The following ALKBH2 variants were observed in gnomAD, a reference collection of about 807,000 sequenced individuals.
The protein encoded by ALKBH2 is DNA oxidative demethylase ALKBH2.
In ALKBH2, 19 loss-of-function variants were observed where a neutral mutation model predicts 19.7. The ratio of observed to expected loss-of-function variants is 0.97; its 90% confidence interval spans 0.67 to 1.42. ALKBH2 has a LOEUF of 1.42. Ranked by LOEUF, ALKBH2 falls within the 40% of genes most tolerant of loss-of-function variation. The pLI is 0.00. For missense variants in ALKBH2, 310 were observed against 328.5 expected, an observed-to-expected ratio of 0.94 and a Z score of 0.43; for synonymous variants, 135 against 131.2, an observed-to-expected ratio of 1.03 and a Z score of -0.20.
intron 2 of ALKBH2, 60 bp from the exon 3 acceptor site, chr12:109,090,267 C>A: frequency 2.1e-6 from 3 of 1,425,408 alleles, no homozygotes; most frequent in South Asian, 2.3e-5. Context: ...AATCCAGATG[C>A]CCCCCCCAAC....
chr12:109,091,685 G>A (rs1381310875), intron 2 of ALKBH2, among the ~76,000 whole-genome samples: 1 of 146,922 alleles, frequency 6.8e-6, no homozygotes, highest in Non-Finnish European at 1.5e-5. Context: ...CTACAGGCAT[G>A]CACCACTACG....
chr12:109,088,529 AAC>A lies in ALKBH2; in HGVS notation c.480-19_480-18del, dbSNP rs760130358. On this transcript the variant is annotated intron_variant, in intron 3 of 3. Coordinates refer to ENST00000429722, the MANE Select transcript of ALKBH2 (RefSeq NM_001145374.2). The surrounding 1 kb of genome is among the most constrained non-coding windows in gnomAD (Gnocchi z 4.2). The stretch of plus-strand genomic sequence containing the variant: ...TCTTTATACCTGCAATGAGAAAACA[AAC>A]ACAGTGCATAAAAACAACCCTCTCC... 1.8e-5 allele frequency: 28 copies of A among 1,566,718 alleles called. No homozygotes were observed. In the African/African-American group the frequency reaches 3.0e-4, roughly 17 times the overall value.
In ALKBH2 at chr12:109,092,659, CTCCTGGGCCTCTT is replaced by C; in HGVS notation, c.115_127del (p.Lys39GlufsTer47). ...GTGGCCTCCATTCCCTGGGGCCTCT[CTCCTGGGCCTCTT>C]CCTTGTGCTTTCTTTGTCTCCTCCC... On this transcript the variant is annotated frameshift_variant, in exon 2 of 4. Coordinates refer to ENST00000429722, the MANE Select transcript of ALKBH2 (RefSeq NM_001145374.2). LOFTEE classifies it high-confidence loss of function. The C allele has an allele frequency of 6.2e-7, 1 of 1,614,166 alleles. No individual in the cohort carries two copies. Among genetic ancestry groups the C allele is most frequent in the Non-Finnish European group, 8.5e-7 (1 of 1,180,048 alleles).
chr12:109,089,618 C>T (rs2042027894), intron 3 of ALKBH2: 1 of 230,000 alleles, frequency 4.3e-6, no homozygotes, highest in Admixed American at 5.1e-5. Context: ...TTATCACTGT[C>T]TGAAATCGTC....
In ALKBH2 at chr12:109,092,606, G is replaced by A. The variant is rs774776661; in HGVS notation, c.181C>T (p.Arg61Trp). The change falls in exon 2 of 4, where the codon CGG (arginine) becomes TGG (tryptophan). Residue 61 changes from arginine to tryptophan, a missense_variant. Physicochemically the swap from Arg to Trp is moderately radical, Grantham distance 101 (BLOSUM62 -3). Transcript: ENST00000429722. ...TAACTGCAGTCCAGGCCCTCAGCCC[G>A]AATGTGCCGCCAGCTAGGGCCTGCT... is the stretch of plus-strand genomic sequence containing the variant. ...HSAGPSWRHI[R>W]AEGLDCSYTV... 18 of 1,614,010 alleles carry A rather than the reference G, an allele frequency of 1.1e-5. No homozygotes were observed. The highest frequency in any genetic ancestry group is 6.7e-5 in the African/African-American group (5 of 74,930).
chr12:109,092,630 C>A lies in ALKBH2; in HGVS notation c.157G>T (p.Ala53Ser). Residue 53 changes from alanine to serine, a missense_variant, in exon 2 of 4, where the codon GCA becomes TCA. Ala to Ser is a moderately conservative substitution (Grantham distance 99, BLOSUM62 1). Transcript: ENST00000429722. ...REAPGNGGHS[A>S]GPSWRHIRAE... ...CGAATGTGCCGCCAGCTAGGGCCTG[C>A]TGAGTGGCCTCCATTCCCTGGGGCC... 1 of 1,614,242 alleles carries A rather than the reference C, an allele frequency of 6.2e-7. No individual in the cohort carries two copies. Among genetic ancestry groups the A allele is most frequent in the Admixed American group, 1.7e-5 (1 of 60,028 alleles).
At position 109,090,226 on chromosome 12, in the gene ALKBH2, G is replaced by T; in HGVS notation, c.281-19C>A. On this transcript the variant is annotated intron_variant, in intron 2 of 3. Transcript: ENST00000429722. ...AGTGCTCCTGTGCAGAGGAAACATGGCAGTTCCTTTCTACCTGACCCCCAT... is the reference window on the plus strand; with the variant it reads ...AGTGCTCCTGTGCAGAGGAAACATGTCAGTTCCTTTCTACCTGACCCCCAT... The T allele has an allele frequency of 1.2e-6, 2 of 1,609,660 alleles. No homozygotes were observed. Among genetic ancestry groups the T allele is most frequent in the Non-Finnish European group, 8.5e-7 (1 of 1,179,342 alleles).
At position 109,088,620 on chromosome 12, in the gene ALKBH2, T is replaced by C. The variant is rs1158365796; in HGVS notation, c.480-108A>G. 5.7e-6 allele frequency: 6 copies of C among 1,057,570 alleles called. No individual in the cohort carries two copies. The highest frequency in any genetic ancestry group is 6.7e-6 in the Non-Finnish European group (5 of 747,042). The allele number at this position is 1,057,570 out of a possible 1,614,324, so 65.5% of individuals were successfully genotyped here. ...AGTGTGAAACAGCACTCTGCATGGC[T>C]GTACCTGCCGTTGTTTCTGCGAGGG... On this transcript the variant is annotated intron_variant, in intron 3 of 3. Transcript: ENST00000429722. This position sits in a 1 kb window ranked among gnomAD's most constrained non-coding sequence, Gnocchi z 4.2.
Position 109,088,618 on chromosome 12 carries a change from G to A in ALKBH2, c.480-106C>T. ...ACAGTGTGAAACAGCACTCTGCATG[G>A]CTGTACCTGCCGTTGTTTCTGCGAG... is the stretch of plus-strand genomic sequence containing the variant. On this transcript the variant is annotated intron_variant, in intron 3 of 3. Transcript: ENST00000429722. The surrounding 1 kb of genome is among the most constrained non-coding windows in gnomAD (Gnocchi z 4.2). 1 of 1,068,320 alleles carries A rather than the reference G, an allele frequency of 9.4e-7. No homozygotes were observed. Among genetic ancestry groups the A allele is most frequent in the Non-Finnish European group, 1.3e-6 (1 of 754,900 alleles). The allele number at this position is 1,068,320 out of a possible 1,614,324, so 66.2% of individuals were successfully genotyped here.
rs560750228 is a variant in ALKBH2, at chr12:109,088,424, C to G, written c.568G>C (p.Gly190Arg). The G allele has an allele frequency of 4.3e-6, 7 of 1,613,786 alleles. No homozygotes were observed. Among genetic ancestry groups the G allele is most frequent in the Middle Eastern group, 1.7e-4 (1 of 6,060 alleles). ...PGSPIASVSF[G>R]ACRDFVFRHK... ...CGGAAGACAAAGTCTCTGCAGGCAC[C>G]GAAGGAGACAGAGGCAATGGGGCTC... is the stretch of plus-strand genomic sequence containing the variant. The change falls in exon 4 of 4, where the codon GGT becomes CGT. Residue 190 changes from glycine to arginine, a missense_variant. By Grantham distance (125) the Gly-to-Arg change is moderately radical. Transcript: ENST00000429722. The surrounding 1 kb of genome is among the most constrained non-coding windows in gnomAD (Gnocchi z 4.2).
intron 3 of ALKBH2, among the ~76,000 whole-genome samples, chr12:109,089,448 G>A (rs2042025048): frequency 6.6e-6 from 1 of 152,172 alleles, no homozygotes; most frequent in Non-Finnish European, 1.5e-5. Context: ...ATGGAGGCCA[G>A]GGATCTGCTC....
At chr12:109,093,072 G>T in intron 1 of ALKBH2, 135 bp from the exon 2 acceptor site, 1 of 459,484 alleles carries the variant, frequency 2.2e-6, no homozygotes, top group Non-Finnish European at 3.4e-6. Context: ...CTCCACGCCT[G>T]AGCACCTGAA....
At chr12:109,090,273 C>T (rs546964548) in intron 2 of ALKBH2, 66 bp from the exon 3 acceptor site, 21 of 1,440,146 alleles carry the variant, frequency 1.5e-5, no homozygotes, top group Middle Eastern at 2.3e-4. Context: ...GATGCCCCCC[C>T]CAACCCGCAC....
In ALKBH2 at chr12:109,090,013, T is replaced by C; in HGVS notation, c.475A>G (p.Asn159Asp). ...GTCCACTAAACAGGGTGTCACCTGT[T>C]GATGAGCACAAAGTTGAAGGTCTGT... Reference protein sequence around the residue: ...TGQTFNFVLINRYKDGCDHIG... With the variant: ...TGQTFNFVLIDRYKDGCDHIG... The change falls in exon 3 of 4, where the codon AAC becomes GAC. Residue 159 changes from asparagine (N) to aspartate (D), a missense_variant. Asn to Asp is a conservative substitution (Grantham distance 23). Coordinates refer to ENST00000429722, the MANE Select transcript of ALKBH2 (RefSeq NM_001145374.2). 1.2e-6 allele frequency: 2 copies of C among 1,614,130 alleles called. No individual in the cohort carries two copies. The highest frequency in any genetic ancestry group is 1.7e-6 in the Non-Finnish European group (2 of 1,180,024).
chr12:109,090,146 CGTTGCCTGCTTCCTGGGCACACTGT>C lies in ALKBH2; in HGVS notation c.317_341del (p.His106ArgfsTer7), dbSNP rs770029040. ...TGTAGGTCAGCCCAGCGTCGCCATACGTTGCCTGCTTCCTGGGCACACTGTGCCACTTCCCGAATACCTGGACTCT... is the reference window on the plus strand; with the variant it reads ...TGTAGGTCAGCCCAGCGTCGCCATACGCCACTTCCCGAATACCTGGACTCT... On this transcript the variant is annotated frameshift_variant, in exon 3 of 4. Transcript: ENST00000429722. LOFTEE classifies it high-confidence loss of function. 1 of 1,613,994 alleles carries C rather than the reference CGTTGCCTGCTTCCTGGGCACACTGT, an allele frequency of 6.2e-7. No homozygotes were observed. Among genetic ancestry groups the C allele is most frequent in the Non-Finnish European group, 8.5e-7 (1 of 1,179,998 alleles).
chr12:109,090,568 C>T (rs1187835899), intron 2 of ALKBH2, among the ~76,000 whole-genome samples: 1 of 152,164 alleles, frequency 6.6e-6, no homozygotes, highest in Admixed American at 6.5e-5. Flanking sequence ...GCTGGGACCA[C>T]AGGGGCGTGC....
chr12:109,092,751 G>A lies in ALKBH2; in HGVS notation c.36C>T (p.Gly12=), dbSNP rs765198091. ...DRFLVKGAQG[G]LLRKQEEQEP... ...CTTGCTCCTCCTGCTTCCTCAAAAG[G>A]CCCCCTTGAGCCCCTTTCACCAGGA... The change falls in exon 2 of 4, where the codon GGC becomes GGT. Residue 12 remains glycine, a synonymous_variant. Transcript: ENST00000429722. The A allele has an allele frequency of 4.5e-5, 73 of 1,613,506 alleles. No individual in the cohort carries two copies. The highest frequency in any genetic ancestry group is 5.6e-5 in the Non-Finnish European group (66 of 1,179,820).
Position 109,092,790 on chromosome 12 carries a change from G to T in ALKBH2, c.-4C>A. 1 of 1,607,440 alleles carries T rather than the reference G, an allele frequency of 6.2e-7. No homozygotes were observed. The highest frequency in any genetic ancestry group is 1.3e-5 in the African/African-American group (1 of 74,742). On this transcript the variant is annotated 5_prime_UTR_variant, in exon 2 of 4. Coordinates refer to ENST00000429722, the MANE Select transcript of ALKBH2 (RefSeq NM_001145374.2). ...CTTTCACCAGGAATCTGTCCATCCTGTCCCCACAGGAAAGAAGGGACGTCA... is the reference window on the plus strand; with the variant it reads ...CTTTCACCAGGAATCTGTCCATCCTTTCCCCACAGGAAAGAAGGGACGTCA...
At position 109,088,526 on chromosome 12, in the gene ALKBH2, A is replaced by G; in HGVS notation, c.480-14T>C. On this transcript the variant is annotated splice_polypyrimidine_tract_variant and intron_variant, in intron 3 of 3. Transcript: ENST00000429722. The surrounding 1 kb of genome is among the most constrained non-coding windows in gnomAD (Gnocchi z 4.2). ...CCATCTTTATACCTGCAATGAGAAAACAAACACAGTGCATAAAAACAACCC... is the reference window on the plus strand; with the variant it reads ...CCATCTTTATACCTGCAATGAGAAAGCAAACACAGTGCATAAAAACAACCC... 1 of 1,569,368 alleles carries G rather than the reference A, an allele frequency of 6.4e-7. No individual in the cohort carries two copies.
Sources: gnomAD v4.1 joint callset for allele counts (sites outside exome capture counted in the v4.1 genomes callset) on GRCh38, gnomAD v4.1.1 for gene constraint, Gnocchi (gnomAD v3.1) non-coding constraint, MANE v1.5 for transcripts, NCBI Gene and HGNC (gene_info 2026-07-23, HGNC 2026-07-21) for gene names.